The following KIF5C variants were observed in gnomAD, a reference collection of about 807,000 sequenced individuals.
The protein encoded by KIF5C is kinesin heavy chain isoform 5C.
In KIF5C, 18 loss-of-function variants were observed where a neutral mutation model predicts 125.2. The observed-to-expected ratio is 0.14, with a 90% CI of 0.10 to 0.21. KIF5C has a LOEUF of 0.21. Ranked by LOEUF, KIF5C falls within the 10% of genes least tolerant of loss-of-function variation. The pLI is 1.00. For synonymous variants in KIF5C, 405 were observed against 434.0 expected, an observed-to-expected ratio of 0.93 and a Z score of 0.83; for missense variants, 780 against 1,183.8, an observed-to-expected ratio of 0.66 and a Z score of 5.01.
At chr2:148,907,617 G>T (rs764786504) in intron 1 of KIF5C, among the ~76,000 whole-genome samples, 5 of 152,230 alleles carry the variant, frequency 3.3e-5, no homozygotes, top group Non-Finnish European at 7.3e-5. Context: ...TCAGCATATG[G>T]CTCCAAGCCT....
At chr2:148,974,412 A>G (rs1481698618) in intron 12 of KIF5C, among the ~76,000 whole-genome samples, 1 of 152,176 alleles carries the variant, frequency 6.6e-6, no homozygotes, top group African/African-American at 2.4e-5. Flanking sequence ...CTTTGAGGTA[A>G]AGCTCAGAGA....
intron 12 of KIF5C, among the ~76,000 whole-genome samples, chr2:148,976,727 A>G (rs914795538): frequency 6.7e-6 from 1 of 149,986 alleles, no homozygotes; most frequent in Non-Finnish European, 1.5e-5. Context: ...GGCACATACC[A>G]CCACACTCAG....
At chr2:148,940,684 A>G (rs1223383603) in intron 4 of KIF5C, among the ~76,000 whole-genome samples, 1 of 152,198 alleles carries the variant, frequency 6.6e-6, no homozygotes, top group Non-Finnish European at 1.5e-5. Flanking sequence ...TTATGAACAT[A>G]GGGCAGATAA....
intron 11 of KIF5C, among the ~76,000 whole-genome samples, chr2:148,972,361 C>G (rs887628359): frequency 1.3e-5 from 2 of 152,132 alleles, no homozygotes; most frequent in African/African-American, 4.8e-5. Flanking sequence ...CTGACTGTAG[C>G]AAGATGATTG....
At chr2:149,008,472 A>G (rs1251187705) in intron 23 of KIF5C, among the ~76,000 whole-genome samples, 6 of 152,094 alleles carry the variant, frequency 3.9e-5, no homozygotes, top group African/African-American at 1.4e-4. Flanking sequence ...ATTTTTACAG[A>G]TGGGGAAACA....
intron 1 of KIF5C, among the ~76,000 whole-genome samples, chr2:148,919,192 C>T (rs7420013): frequency 0.16 from 24,001 of 152,118 alleles, 3,169 homozygotes; most frequent in African/African-American, 0.36. Context: ...ATTTAAATTA[C>T]ATGTAACTCA....
intron 3 of KIF5C, chr2:148,934,991 A>T: frequency 3.1e-6 from 1 of 319,782 alleles, no homozygotes; most frequent in South Asian, 2.4e-5. Context: ...GCTGCACATA[A>T]AGCCCTTACC....
At chr2:148,979,344 G>A (rs1681169190) in intron 13 of KIF5C, among the ~76,000 whole-genome samples, 1 of 152,150 alleles carries the variant, frequency 6.6e-6, no homozygotes. Context: ...ATGCAGTGGT[G>A]CAATCATGGC....
intron 15 of KIF5C, 98 bp from the exon 16 acceptor site, chr2:148,990,912 C>T (rs1681506747): frequency 6.9e-7 from 1 of 1,459,744 alleles, no homozygotes; most frequent in Non-Finnish European, 9.1e-7. Context: ...AACCAGAAAT[C>T]CATGGACACC....
At chr2:148,967,775 G>A (rs1680778586) in intron 11 of KIF5C, among the ~76,000 whole-genome samples, 1 of 152,158 alleles carries the variant, frequency 6.6e-6, no homozygotes, top group Admixed American at 6.5e-5. Context: ...AGGATGGAGT[G>A]GGGCAGTTGC....
chr2:148,895,946 T>G (rs1681827506), intron 1 of KIF5C, among the ~76,000 whole-genome samples: 1 of 152,028 alleles, frequency 6.6e-6, no homozygotes, highest in Admixed American at 6.6e-5. Flanking sequence ...AGTCCCACCG[T>G]TATCACCTCA....
At chr2:149,018,449 T>C (rs1682433678) in intron 25 of KIF5C, among the ~76,000 whole-genome samples, 1 of 152,188 alleles carries the variant, frequency 6.6e-6, no homozygotes. Flanking sequence ...CCCATAACTA[T>C]GAGTGGTAGA....
At chr2:148,956,665 GTT>G (rs1682799615) in intron 10 of KIF5C, among the ~76,000 whole-genome samples, 1 of 152,214 alleles carries the variant, frequency 6.6e-6, no homozygotes, top group Non-Finnish European at 1.5e-5. Context: ...ATTTGACTCA[GTT>G]TTAAAAGCAG....
At chr2:148,967,726 C>T (rs1410087229) in intron 11 of KIF5C, among the ~76,000 whole-genome samples, 1 of 152,094 alleles carries the variant, frequency 6.6e-6, no homozygotes, top group Non-Finnish European at 1.5e-5. Context: ...TCTTTAGCCT[C>T]ACGGAGATTT....
intron 1 of KIF5C, among the ~76,000 whole-genome samples, chr2:148,893,121 C>T (rs903400066): frequency 6.6e-6 from 1 of 152,234 alleles, no homozygotes; most frequent in Non-Finnish European, 1.5e-5. Context: ...AAAGTACAGT[C>T]TATACCTGGC....
intron 11 of KIF5C, among the ~76,000 whole-genome samples, chr2:148,967,202 C>T (rs188685747): frequency 5.5e-4 from 84 of 152,298 alleles, no homozygotes; most frequent in African/African-American, 1.8e-3. Context: ...GGCCTGGTTC[C>T]GTTCCCCAGG....
At chr2:148,948,965 C>G (rs1033876640) in intron 8 of KIF5C, among the ~76,000 whole-genome samples, 1 of 152,194 alleles carries the variant, frequency 6.6e-6, no homozygotes, top group African/African-American at 2.4e-5. Flanking sequence ...TCCCCCTGGA[C>G]ATGAATTCAT....
chr2:148,956,651 C>T (rs1229426891), intron 10 of KIF5C, among the ~76,000 whole-genome samples: 2 of 152,202 alleles, frequency 1.3e-5, no homozygotes, highest in Non-Finnish European at 2.9e-5. Context: ...ATGGCATCCT[C>T]ACAATTTGAC....
Position 149,011,596 on chromosome 2 carries a change from C to T in KIF5C, c.2794C>T (p.Pro932Ser). The T allele has an allele frequency of 6.2e-7, 1 of 1,614,062 alleles. No homozygotes were observed. The highest frequency in any genetic ancestry group is 1.1e-5 in the South Asian group (1 of 91,084). Residue 932 changes from proline to serine, a missense_variant, in exon 25 of 26, where the codon CCG becomes TCG. Physicochemically the swap from Pro to Ser is moderately conservative, Grantham distance 74. This residue lies in a region of KIF5C where 573 missense variants were observed against 742.6 expected (regional missense o/e 0.77). Transcript: ENST00000435030. ...IAKPIRPGHY[P>S]ASSPTAVHAI... is the part of the protein sequence containing the mutation. ...CAAGCCCATCCGCCCCGGACACTAC[C>T]CGGCCTCATCTCCAACGGCCGTCCA...
Sources: allele counts gnomAD v4.1 joint callset (sites outside exome capture counted in the v4.1 genomes callset), GRCh38; gene constraint gnomAD v4.1.1; regional missense constraint gnomAD v4.1.1; transcripts MANE v1.5; gene names NCBI Gene and HGNC (gene_info 2026-07-23, HGNC 2026-07-21).